DYNC2H1: variants seen among roughly 807,000 people sequenced by gnomAD.
DYNC2H1 encodes cytoplasmic dynein 2 heavy chain 1.
DYNC2H1 carries 410 observed loss-of-function variants against 570.0 expected under a neutral mutation model. The ratio of observed to expected loss-of-function variants is 0.72; its 90% CI spans 0.66 to 0.78. DYNC2H1 has a LOEUF of 0.78. Among genes scored for constraint, DYNC2H1 ranks in the 30% least tolerant of loss-of-function variants. The pLI, the probability that DYNC2H1 is intolerant of heterozygous loss-of-function variation, is 0.00. For synonymous variants in DYNC2H1, 1,688 were observed against 1,677.6 expected, an observed-to-expected ratio of 1.01 and a Z score of -0.15; for missense variants, 4,865 against 5,046.4, an observed-to-expected ratio of 0.96 and a Z score of 1.09.
At chr11:103,130,789 A>G (rs117775402) in intron 13 of DYNC2H1, among the ~76,000 whole-genome samples, 4,345 of 152,234 alleles carry the variant, frequency 0.029, 92 homozygotes, top group Middle Eastern at 0.041. Flanking sequence ...GTCTGTTGAT[A>G]TTTCTGAGGA....
chr11:103,129,551 G>A lies in DYNC2H1; in HGVS notation c.1953+546G>A, dbSNP rs1859162608. Among the ~76,000 whole-genome samples, 2 of 152,134 alleles carry A rather than the reference G, an allele frequency of 1.3e-5. No individual in the cohort carries two copies. The highest frequency in any genetic ancestry group is 6.5e-5 in the Admixed American group (1 of 15,268). ...ACAAAAAAATTAGCCAGGCATGGTG[G>A]TGGGTGCCTGTAATCCCAGCTACTC... On this transcript the variant is annotated intron_variant, in intron 13 of 88. Transcript: ENST00000375735. This position sits in a 1 kb window ranked among gnomAD's most constrained non-coding sequence, Gnocchi z 4.1.
intron 81 of DYNC2H1, among the ~76,000 whole-genome samples, chr11:103,321,578 AT>A (rs1938202413): frequency 6.6e-6 from 1 of 152,138 alleles, no homozygotes; most frequent in Non-Finnish European, 1.5e-5. Flanking sequence ...ATACTCTCAT[AT>A]ATTGAAAAAT....
chr11:103,190,881 T>C (rs1320461179), intron 45 of DYNC2H1, among the ~76,000 whole-genome samples: 2 of 151,328 alleles, frequency 1.3e-5, no homozygotes, highest in South Asian at 2.1e-4. Flanking sequence ...GACCTGTGAG[T>C]ACCTTGGAAT....
chr11:103,201,703 C>T lies in DYNC2H1; in HGVS notation c.8197+1549C>T, dbSNP rs1862725841. Among the ~76,000 whole-genome samples the T allele has an allele frequency of 6.6e-6, 1 of 152,090 alleles. No individual in the cohort carries two copies. Among genetic ancestry groups the T allele is most frequent in the East Asian group, 1.9e-4 (1 of 5,186 alleles). On this transcript the variant is annotated intron_variant, in intron 50 of 88. Coordinates refer to ENST00000375735, the MANE Select transcript of DYNC2H1 (RefSeq NM_001377.3). The surrounding 1 kb of genome is among the most constrained non-coding windows in gnomAD (Gnocchi z 4.8). ...TACTCTCCTGCTGTCTGTGGTGTTA[C>T]CTGACCTTTTTGGTGTCTTCCTGGG...
Position 103,307,719 on chromosome 11 carries a change from A to G in DYNC2H1, c.11383-2A>G. The G allele has an allele frequency of 1.9e-6, 3 of 1,541,250 alleles. No homozygotes were observed. The highest frequency in any genetic ancestry group is 2.6e-6 in the Non-Finnish European group (3 of 1,139,606). ...ATTTTTGTCATTGGTTTTGTAAACA[A>G]GGAATTGAATACTCTTCAACCTAAA... On this transcript the variant is annotated splice_acceptor_variant, in intron 77 of 88. Coordinates refer to ENST00000375735, the MANE Select transcript of DYNC2H1 (RefSeq NM_001377.3). LOFTEE classifies it high-confidence loss of function.
At position 103,198,043 on chromosome 11, in the gene DYNC2H1, C is replaced by T; in HGVS notation, c.7819C>T (p.Leu2607Phe). Residue 2607 changes from leucine to phenylalanine, a missense_variant, in exon 48 of 89, where the codon CTC becomes TTC. Transcript: ENST00000375735. ...KPLGKLNSTDLKDVIKKGLIH... is the reference protein window; with the variant it reads ...KPLGKLNSTDFKDVIKKGLIH... Reference sequence around the variant, plus strand: ...ACTTGGAAAACTAAACTCTACTGATCTCAAGGATGTTATTAAAAAGGTATA... The same window carrying T: ...ACTTGGAAAACTAAACTCTACTGATTTCAAGGATGTTATTAAAAAGGTATA... 7 of 1,552,268 alleles carry T rather than the reference C, an allele frequency of 4.5e-6. No homozygotes were observed. Among genetic ancestry groups the T allele is most frequent in the Non-Finnish European group, 6.1e-6 (7 of 1,147,064 alleles).
rs1352356944 is a variant in DYNC2H1 at position 103,472,191 on chromosome 11, A to T, written c.12765+3486A>T. On this transcript the variant is annotated intron_variant, in intron 88 of 88. Transcript: ENST00000375735. This position sits in a 1 kb window ranked among gnomAD's most constrained non-coding sequence, Gnocchi z 4.1. ...GTATGAGAAGCTGAGTAGCCATGCC[A>T]GAGTTTAGACCACCTTATGATCAGT... Among the ~76,000 whole-genome samples, 1 of 152,064 alleles carries T rather than the reference A, an allele frequency of 6.6e-6. No homozygotes were observed. Among genetic ancestry groups the T allele is most frequent in the East Asian group, 1.9e-4 (1 of 5,166 alleles).
intron 84 of DYNC2H1, chr11:103,407,216 A>G (rs559483166): frequency 6.6e-6 from 1 of 151,972 alleles, no homozygotes; most frequent in South Asian, 2.1e-4. Flanking sequence ...AGTTAAATAA[A>G]TAATAAGTTG....
chr11:103,468,406 A>G, intron 87 of DYNC2H1, 183 bp from the exon 88 acceptor site: 1 of 446,100 alleles, frequency 2.2e-6, no homozygotes, highest in Non-Finnish European at 4.0e-6. Context: ...GTCTCAAAGA[A>G]GTTGACAGTG....
rs534017856 is a variant in DYNC2H1 at position 103,385,022 on chromosome 11, G to C, written c.12157-14641G>C. On this transcript the variant is annotated intron_variant, in intron 83 of 88. Transcript: ENST00000375735. ...TTTGAGATAGAATTCTGTCTTTTCT[G>C]GTTTCTGTTGTTGAGAAGTCAATTT... Among the ~76,000 whole-genome samples the C allele has an allele frequency of 2.2e-4, 34 of 152,000 alleles. 1 individual carries two copies. Among genetic ancestry groups the C allele is most frequent in the Non-Finnish European group, 3.7e-4 (25 of 67,892 alleles).
At chr11:103,471,788 G>A (rs994107828) in intron 88 of DYNC2H1, among the ~76,000 whole-genome samples, 3 of 152,144 alleles carry the variant, frequency 2.0e-5, no homozygotes, top group Non-Finnish European at 4.4e-5. Flanking sequence ...GCCAACTGGG[G>A]AAGCAAATAA....
At chr11:103,139,912 A>G in intron 17 of DYNC2H1, among the ~76,000 whole-genome samples, 1 of 152,180 alleles carries the variant, frequency 6.6e-6, no homozygotes, top group East Asian at 1.9e-4. Context: ...TATTGAGTGC[A>G]TATATATTTA....
intron 65 of DYNC2H1, among the ~76,000 whole-genome samples, chr11:103,247,653 G>A (rs533314255): frequency 1.1e-4 from 17 of 152,114 alleles, no homozygotes; most frequent in Admixed American, 2.6e-4. Flanking sequence ...TGTTAATACT[G>A]CTAAGGTTGA....
intron 85 of DYNC2H1, among the ~76,000 whole-genome samples, chr11:103,449,518 G>A (rs1312876362): frequency 6.6e-6 from 1 of 152,144 alleles, no homozygotes; most frequent in Non-Finnish European, 1.5e-5. Flanking sequence ...TTGATCCATT[G>A]TTTAAAGAAT....
Position 103,283,993 on chromosome 11 carries a change from G to A in DYNC2H1, c.10890+908G>A, listed in dbSNP as rs570198525. On this transcript the variant is annotated intron_variant, in intron 73 of 88. Transcript: ENST00000375735. Reference sequence around the variant, plus strand: ...CTTGAACCTTCTTCTAGGCCCACCTGTGCACTTCCTTGTAAAAGCTACTTT... The same window carrying A: ...CTTGAACCTTCTTCTAGGCCCACCTATGCACTTCCTTGTAAAAGCTACTTT... Among the ~76,000 whole-genome samples, 22 of 145,994 alleles carry A rather than the reference G, an allele frequency of 1.5e-4. 1 individual carries two copies. In the South Asian group the frequency reaches 4.8e-3, roughly 32 times the overall value.
intron 29 of DYNC2H1, among the ~76,000 whole-genome samples, chr11:103,161,264 T>C (rs550617313): frequency 8.4e-4 from 128 of 152,238 alleles, no homozygotes; most frequent in African/African-American, 3.1e-3. Context: ...CCTGTAATTA[T>C]GAAAAGAACC....
intron 82 of DYNC2H1, among the ~76,000 whole-genome samples, chr11:103,348,784 C>T (rs893991373): frequency 5.3e-5 from 8 of 152,092 alleles, no homozygotes; most frequent in Non-Finnish European, 8.8e-5. Flanking sequence ...AATTCTAGTT[C>T]CCATATCCCC....
chr11:103,261,606 CCTGA>C lies in DYNC2H1; in HGVS notation c.10695+1633_10695+1636del, dbSNP rs1240303201. ...GTCCAGCAGACCTGCAGCAGAGGGG[CCTGA>C]CTGTTAGAAGGAAAACTAACAAACA... On this transcript the variant is annotated intron_variant, in intron 70 of 88. Transcript: ENST00000375735. The surrounding 1 kb of genome is among the most constrained non-coding windows in gnomAD (Gnocchi z 4.8). Among the ~76,000 whole-genome samples, 2 of 152,084 alleles carry C rather than the reference CCTGA, an allele frequency of 1.3e-5. No homozygotes were observed. The highest frequency in any genetic ancestry group is 4.8e-5 in the African/African-American group (2 of 41,400).
intron 60 of DYNC2H1, among the ~76,000 whole-genome samples, 157 bp from the exon 61 acceptor site, chr11:103,233,877 T>G (rs912772914): frequency 2.3e-5 from 2 of 85,726 alleles, no homozygotes; most frequent in Admixed American, 1.9e-4. Flanking sequence ...TGTGTGTGTG[T>G]GGGTTTGTCT....
Sources: allele counts gnomAD v4.1 joint callset (sites outside exome capture counted in the v4.1 genomes callset), GRCh38; gene constraint gnomAD v4.1.1; non-coding constraint Gnocchi (gnomAD v3.1); transcripts MANE v1.5; gene names NCBI Gene and HGNC (gene_info 2026-07-23, HGNC 2026-07-21).